Variants in RNF220 observed in about 807,000 individuals in gnomAD.
RNF220 encodes E3 ubiquitin-protein ligase RNF220.
In RNF220, 7 loss-of-function variants were observed where a neutral mutation model predicts 67.1. The ratio of observed to expected loss-of-function variants is 0.10; its 90% CI spans 0.06 to 0.20. The LOEUF (loss-of-function observed/expected upper bound fraction) is 0.20, where lower values mean the gene tolerates loss of function less well. RNF220 is among the 10% of genes least tolerant of loss of function. The pLI is 1.00. For synonymous variants in RNF220, 270 were observed against 283.2 expected, an observed-to-expected ratio of 0.95 and a Z score of 0.47; for missense variants, 565 against 740.3, an observed-to-expected ratio of 0.76 and a Z score of 2.75.
intron 2 of RNF220, among the ~76,000 whole-genome samples, chr1:44,505,076 CTA>C (rs1451618426): frequency 6.6e-6 from 1 of 152,210 alleles, no homozygotes; most frequent in African/African-American, 2.4e-5. Context: ...ACCCCATACA[CTA>C]TATGTTACTT....
chr1:44,650,608 A>C lies in RNF220; in HGVS notation c.1630-96A>C. On this transcript the variant is annotated intron_variant, in intron 14 of 14. Coordinates refer to ENST00000361799, the MANE Select transcript of RNF220 (RefSeq NM_018150.4). This position sits in a 1 kb window ranked among gnomAD's most constrained non-coding sequence, Gnocchi z 4.3. The stretch of plus-strand genomic sequence containing the variant: ...GCTGACAGGACCAAGGTCTCAGCAC[A>C]CACTGGTGCAGAGAGACATGGCTGC... 1 of 1,326,534 alleles carries C rather than the reference A, an allele frequency of 7.5e-7. No individual in the cohort carries two copies. The highest frequency in any genetic ancestry group is 1.2e-5 in the South Asian group (1 of 83,930). 82.2% of individuals were successfully genotyped at this position (1,326,534 alleles called of 1,614,324 possible).
chr1:44,472,903 C>G (rs1373655952), intron 2 of RNF220, among the ~76,000 whole-genome samples: 1 of 152,240 alleles, frequency 6.6e-6, no homozygotes, highest in Admixed American at 6.5e-5. Flanking sequence ...CTTTCTCCCT[C>G]TGATCCTTCT....
chr1:44,471,255 G>A (rs12068921), intron 2 of RNF220, among the ~76,000 whole-genome samples: 15 of 151,744 alleles, frequency 9.9e-5, no homozygotes, highest in African/African-American at 3.6e-4. Flanking sequence ...GCGAAACCCC[G>A]TCTCTACTAA....
chr1:44,424,004 T>C (rs1183622111), intron 2 of RNF220: 7 of 985,446 alleles, frequency 7.1e-6, no homozygotes, highest in Non-Finnish European at 8.4e-6. Flanking sequence ...CCCTGGCCTC[T>C]TATCTTCATC....
chr1:44,457,999 G>C (rs1260952436), intron 2 of RNF220, among the ~76,000 whole-genome samples: 1 of 152,102 alleles, frequency 6.6e-6, no homozygotes, highest in East Asian at 1.9e-4. Flanking sequence ...GCTCACGCCT[G>C]TAATCCCAGT....
chr1:44,618,196 C>T (rs769706136), intron 3 of RNF220, among the ~76,000 whole-genome samples: 2 of 152,222 alleles, frequency 1.3e-5, no homozygotes, highest in African/African-American at 4.8e-5. Flanking sequence ...GACACACTCA[C>T]GGGCTCACAG....
In RNF220 at chr1:44,622,877, GTATCCTCAACTATCTCCAGCTTTTCTAA is replaced by G; in HGVS notation, c.804+110_804+137del. ...CTCCTGAGAAAAAGGAGCTTTTCTA[GTATCCTCAACTATCTCCAGCTTTTCTAA>G]TATCCTCAACTATCTCCAGGTCTTG... On this transcript the variant is annotated intron_variant, in intron 4 of 14. Transcript: ENST00000361799. The surrounding 1 kb of genome is among the most constrained non-coding windows in gnomAD (Gnocchi z 4.3). 9.3e-7 allele frequency: 1 copy of G among 1,078,544 alleles called. No homozygotes were observed. Among genetic ancestry groups the G allele is most frequent in the South Asian group, 1.3e-5 (1 of 77,482 alleles). 66.8% of individuals were successfully genotyped at this position (1,078,544 alleles called of 1,614,324 possible). A position where few individuals can be genotyped will look rare whatever the true frequency, so the allele number is the denominator to read the frequency against.
chr1:44,551,160 G>A (rs1370605131), intron 2 of RNF220, among the ~76,000 whole-genome samples: 1 of 135,126 alleles, frequency 7.4e-6, no homozygotes, highest in African/African-American at 2.9e-5. Flanking sequence ...TGTCGCCCAG[G>A]CTGGAGTGCA....
chr1:44,588,792 C>G (rs373832195), intron 2 of RNF220, among the ~76,000 whole-genome samples: 2 of 152,130 alleles, frequency 1.3e-5, no homozygotes, highest in South Asian at 4.1e-4. Context: ...GTGACCAAAC[C>G]CCAACCCTAC....
chr1:44,593,326 A>G (rs983713256), intron 2 of RNF220, among the ~76,000 whole-genome samples: 1 of 152,170 alleles, frequency 6.6e-6, no homozygotes, highest in Non-Finnish European at 1.5e-5. Context: ...TAGGAGCCCA[A>G]AGTTTCATTT....
intron 2 of RNF220, among the ~76,000 whole-genome samples, chr1:44,551,415 AT>A (rs34388887): frequency 2.0e-5 from 3 of 151,334 alleles, no homozygotes; most frequent in East Asian, 3.9e-4. Flanking sequence ...GTGCCCGGCC[AT>A]TTTTTTTGTT....
chr1:44,479,933 C>T (rs770593217), intron 2 of RNF220, among the ~76,000 whole-genome samples: 18 of 152,122 alleles, frequency 1.2e-4, no homozygotes, highest in Non-Finnish European at 2.4e-4. Context: ...TTATAAGATA[C>T]GTTTCCTGCC....
At chr1:44,453,795 A>G (rs963376262) in intron 2 of RNF220, among the ~76,000 whole-genome samples, 2 of 152,192 alleles carry the variant, frequency 1.3e-5, no homozygotes, top group African/African-American at 2.4e-5. Flanking sequence ...GTTTAGTGCA[A>G]TGGTTCTCAA....
At chr1:44,632,146 C>A in intron 5 of RNF220, 197 bp from the exon 6 acceptor site, 1 of 1,540,226 alleles carries the variant, frequency 6.5e-7, no homozygotes, top group Non-Finnish European at 8.8e-7. Flanking sequence ...AGAGCAGCGC[C>A]CGGCGGCTAT....
At chr1:44,483,352 A>G (rs967131314) in intron 2 of RNF220, among the ~76,000 whole-genome samples, 2 of 152,256 alleles carry the variant, frequency 1.3e-5, no homozygotes, top group African/African-American at 4.8e-5. Flanking sequence ...CTAGATCAGA[A>G]GGGAAACCAA....
chr1:44,487,519 CTTGT>C (rs1026915822), intron 2 of RNF220, among the ~76,000 whole-genome samples: 6 of 150,908 alleles, frequency 4.0e-5, no homozygotes, highest in South Asian at 4.2e-4. Flanking sequence ...CCTGGGCATC[CTTGT>C]TTGTTTGAGT....
chr1:44,638,140 C>A (rs1263522724), intron 8 of RNF220, among the ~76,000 whole-genome samples: 3 of 152,240 alleles, frequency 2.0e-5, no homozygotes, highest in Non-Finnish European at 4.4e-5. Flanking sequence ...GCCTACCCTC[C>A]CTGGCCAGGA....
chr1:44,578,913 C>T (rs1252676353), intron 2 of RNF220, among the ~76,000 whole-genome samples: 1 of 152,156 alleles, frequency 6.6e-6, no homozygotes, highest in Admixed American at 6.5e-5. Flanking sequence ...CGCCTGTAAT[C>T]CCAGCACTTT....
At chr1:44,450,446 C>T (rs1005167584) in intron 2 of RNF220, among the ~76,000 whole-genome samples, 3 of 152,094 alleles carry the variant, frequency 2.0e-5, no homozygotes, top group Admixed American at 1.3e-4. Flanking sequence ...CTTCCACAAA[C>T]GTAAATAACT....
Sources: allele counts gnomAD v4.1 joint callset (sites outside exome capture counted in the v4.1 genomes callset), GRCh38; gene constraint gnomAD v4.1.1; non-coding constraint Gnocchi (gnomAD v3.1); transcripts MANE v1.5; gene names NCBI Gene and HGNC (gene_info 2026-07-23, HGNC 2026-07-21).